The following SYNE2 variants were observed in gnomAD, a reference collection of about 807,000 sequenced individuals.
The protein encoded by SYNE2 is nesprin-2.
SYNE2 carries 431 observed loss-of-function variants against 856.3 expected under a neutral mutation model. That is an observed-to-expected ratio of 0.50 (90% confidence interval 0.47 to 0.55). The LOEUF (loss-of-function observed/expected upper bound fraction) is 0.55. SYNE2 is among the 20% of genes least tolerant of loss of function. The pLI is 0.00. For missense variants in SYNE2, 8,129 were observed against 8,023.2 expected, an observed-to-expected ratio of 1.01 and a Z score of -0.50; for synonymous variants, 2,923 against 2,872.3, an observed-to-expected ratio of 1.02 and a Z score of -0.56.
In SYNE2 at chr14:64,102,501, A is replaced by ATT. The variant is rs1211142346; in HGVS notation, c.12492+484_12492+485dup. Among the ~76,000 whole-genome samples the ATT allele has an allele frequency of 8.4e-4, 99 of 118,270 alleles. 1 individual carries two copies. Among genetic ancestry groups the ATT allele is most frequent in the African/African-American group, 2.8e-3 (80 of 28,814 alleles). The allele number at this position is 118,270 out of a possible 152,430, so 77.6% of individuals were successfully genotyped here. A position where few individuals can be genotyped will look rare whatever the true frequency, so the allele number is the denominator to read the frequency against. ...TAGGGAGGGAACCTGCATGGGCTGA[A>ATT]TTTTTTTTTTTTTTTTTTTTTTTTT... On this transcript the variant is annotated intron_variant, in intron 64 of 115. Coordinates refer to ENST00000555002, the MANE Select transcript of SYNE2 (RefSeq NM_182914.3).
In SYNE2 at chr14:64,125,598, T is replaced by C. The variant is rs574969079; in HGVS notation, c.13554+388T>C. Among the ~76,000 whole-genome samples, 52 of 152,276 alleles carry C rather than the reference T, an allele frequency of 3.4e-4. No homozygotes were observed. The South Asian group carries it at 0.01, about 30-fold the overall frequency. ...TATGTGAGGTGTCTATCAGAGAAGA[T>C]AGTAGGAGACAGGGCCCAAGTTGGA... On this transcript the variant is annotated intron_variant, in intron 71 of 115. Transcript: ENST00000555002.
Position 64,031,043 on chromosome 14 carries a change from G to A in SYNE2, c.6907G>A (p.Asp2303Asn), listed in dbSNP as rs2097030466. 2 of 1,613,974 alleles carry A rather than the reference G, an allele frequency of 1.2e-6. No homozygotes were observed. The highest frequency in any genetic ancestry group is 2.2e-5 in the South Asian group (2 of 91,034). ...QELENRLSLQDGTLKKILALA... is the reference protein window; with the variant it reads ...QELENRLSLQNGTLKKILALA... The stretch of plus-strand genomic sequence containing the variant: ...ACTAGAGAATAGACTCAGTTTACAA[G>A]ATGGCACATTAAAGAAGATTTTAGC... Residue 2303 changes from aspartate to asparagine, a missense_variant, in exon 45 of 116, where the codon GAT (aspartate) becomes AAT (asparagine). Around this residue, in one of 3 missense-constraint regions of SYNE2, gnomAD observed 297 missense variants for 380.9 expected, o/e 0.78. Transcript: ENST00000555002.
chr14:64,076,422 G>A (rs1157555958), intron 54 of SYNE2, among the ~76,000 whole-genome samples: 2 of 151,970 alleles, frequency 1.3e-5, no homozygotes, highest in African/African-American at 2.4e-5. Context: ...GAACATTTTG[G>A]ATGTTAATAC....
At chr14:64,102,079 G>C in intron 64 of SYNE2, 37 bp downstream of exon 64, 1 of 1,442,066 alleles carries the variant, frequency 6.9e-7, no homozygotes, top group Non-Finnish European at 9.8e-7. Context: ...TAGGGGTTAC[G>C]AGGGCCCAGG....
At chr14:63,964,895 C>A (rs1418556860) in intron 10 of SYNE2, among the ~76,000 whole-genome samples, 1 of 151,638 alleles carries the variant, frequency 6.6e-6, no homozygotes, top group African/African-American at 2.4e-5. Context: ...AATTACAATA[C>A]AGGGCTCAAC....
chr14:64,221,722 G>C lies in SYNE2; in HGVS notation c.20190+18G>C. On this transcript the variant is annotated intron_variant, in intron 112 of 115. Coordinates refer to ENST00000555002, the MANE Select transcript of SYNE2 (RefSeq NM_182914.3). ...AACTAATGGTAAGTTTCCTCCCAAG[G>C]GCTCTGTACTGCCACCAGCCTCTGT... is the stretch of plus-strand genomic sequence containing the variant. 5.6e-6 allele frequency: 9 copies of C among 1,613,202 alleles called. No individual in the cohort carries two copies. Among genetic ancestry groups the C allele is most frequent in the Non-Finnish European group, 7.6e-6 (9 of 1,179,516 alleles).
chr14:64,221,727 T>C (rs766905549), intron 112 of SYNE2, 23 bp downstream of exon 112: 11 of 1,613,286 alleles, frequency 6.8e-6, no homozygotes, highest in Non-Finnish European at 9.3e-6. Flanking sequence ...CCAAGGGCTC[T>C]GTACTGCCAC....
rs773454073 is a variant in SYNE2 at position 64,174,929 on chromosome 14, T to TC, written c.17236-14dup. 4 of 1,612,256 alleles carry TC rather than the reference T, an allele frequency of 2.5e-6. No homozygotes were observed. The highest frequency in any genetic ancestry group is 1.3e-5 in the African/African-American group (1 of 74,910). Reference sequence around the variant, plus strand: ...ATCAGAAACCTAAGCAAATTACTTCTCTTTTTTTTCTTAGAATAAAGAAAT... The same window carrying TC: ...ATCAGAAACCTAAGCAAATTACTTCTCCTTTTTTTTCTTAGAATAAAGAAAT... On this transcript the variant is annotated splice_polypyrimidine_tract_variant and intron_variant, in intron 94 of 115. Coordinates refer to ENST00000555002, the MANE Select transcript of SYNE2 (RefSeq NM_182914.3).
chr14:64,085,982 T>G (rs1448248234), intron 57 of SYNE2, among the ~76,000 whole-genome samples: 1 of 152,238 alleles, frequency 6.6e-6, no homozygotes, highest in Non-Finnish European at 1.5e-5. Flanking sequence ...TTTAACACTG[T>G]CTTTCAGAGA....
chr14:64,212,312 A>C (rs948577796), intron 104 of SYNE2, among the ~76,000 whole-genome samples: 1 of 152,190 alleles, frequency 6.6e-6, no homozygotes, highest in Non-Finnish European at 1.5e-5. Context: ...GGGGCCAAGA[A>C]CAGAGGTCCG....
At chr14:63,949,674 T>G in intron 6 of SYNE2, 151 bp from the exon 7 acceptor site, 1 of 806,868 alleles carries the variant, frequency 1.2e-6, no homozygotes, top group Non-Finnish European at 2.1e-6. Flanking sequence ...GCAGATGCTG[T>G]TATTCAAGGA....
intron 30 of SYNE2, among the ~76,000 whole-genome samples, chr14:64,006,726 A>G (rs1436525832): frequency 2.0e-5 from 3 of 151,916 alleles, no homozygotes; most frequent in Admixed American, 6.6e-5. Context: ...TGTTCGGGAG[A>G]CTGAGGTGGG....
intron 57 of SYNE2, chr14:64,084,825 T>C: frequency 1.6e-6 from 1 of 619,324 alleles, no homozygotes; most frequent in Non-Finnish European, 2.9e-6. Flanking sequence ...TCAAGGTCTC[T>C]CATGAGAATG....
At chr14:64,064,206 A>T (rs1254476889) in intron 50 of SYNE2, among the ~76,000 whole-genome samples, 1 of 152,226 alleles carries the variant, frequency 6.6e-6, no homozygotes, top group Non-Finnish European at 1.5e-5. Context: ...GCTACTATTC[A>T]TCTGGAGCAC....
rs759083517 is a variant in SYNE2, at chr14:64,137,848, A to T, written c.14708A>T (p.Lys4903Ile). 5 of 1,614,120 alleles carry T rather than the reference A, an allele frequency of 3.1e-6. No homozygotes were observed. The East Asian group carries it at 8.9e-5, about 29-fold the overall frequency. ...CTTTACCAAACTCTGAACGAAGGCAAACAGTTGGTGGCGTCTGTGAGCTGT... is the reference window on the plus strand; with the variant it reads ...CTTTACCAAACTCTGAACGAAGGCATACAGTTGGTGGCGTCTGTGAGCTGT... ...ARLYQTLNEG[K>I]QLVASVSCPE... Residue 4903 changes from lysine to isoleucine, a missense_variant, in exon 79 of 116, where the codon AAA becomes ATA. Lys to Ile is a moderately radical substitution (Grantham distance 102). This residue lies in a region of SYNE2 where 5,410 missense variants were observed against 5,284.8 expected (regional missense o/e 1.02). Coordinates refer to ENST00000555002, the MANE Select transcript of SYNE2 (RefSeq NM_182914.3).
intron 1 of SYNE2, among the ~76,000 whole-genome samples, chr14:63,894,772 G>GTT (rs2095216775): frequency 6.6e-6 from 1 of 152,074 alleles, no homozygotes; most frequent in African/African-American, 2.4e-5. Flanking sequence ...CCCTCACTAC[G>GTT]TTCTCTCTCT....
At chr14:63,770,381 C>T (rs1886855842) in intron 1 of SYNE2, among the ~76,000 whole-genome samples, 1 of 152,166 alleles carries the variant, frequency 6.6e-6, no homozygotes, top group Non-Finnish European at 1.5e-5. Flanking sequence ...CCTCTTTGGG[C>T]TCCCTCTGGT....
In SYNE2 at chr14:63,893,256, G is replaced by A. The variant is rs953201055; in HGVS notation, c.-51-15842G>A. Among the ~76,000 whole-genome samples, 8 of 152,302 alleles carry A rather than the reference G, an allele frequency of 5.3e-5. No homozygotes were observed. The South Asian group carries it at 1.7e-3, about 32-fold the overall frequency. Reference sequence around the variant, plus strand: ...GGGCTTCCTACACGGAGAAGCTGAAGGTTATAGAAATGGTGTCCTTGGCCA... The same window carrying A: ...GGGCTTCCTACACGGAGAAGCTGAAAGTTATAGAAATGGTGTCCTTGGCCA... On this transcript the variant is annotated intron_variant, in intron 1 of 115. Transcript: ENST00000555002.
intron 49 of SYNE2, among the ~76,000 whole-genome samples, chr14:64,059,199 T>C (rs1483054805): frequency 1.3e-5 from 2 of 152,210 alleles, no homozygotes; most frequent in Non-Finnish European, 2.9e-5. Flanking sequence ...AGTCATGTTT[T>C]CATGGATGGT....
Sources: allele counts gnomAD v4.1 joint callset (sites outside exome capture counted in the v4.1 genomes callset), GRCh38; gene constraint gnomAD v4.1.1; regional missense constraint gnomAD v4.1.1; transcripts MANE v1.5; gene names NCBI Gene and HGNC (gene_info 2026-07-23, HGNC 2026-07-21).